Variants in RPTOR observed in about 807,000 individuals in gnomAD.
RPTOR encodes the protein regulatory associated protein of MTOR complex 1, also known as regulatory-associated protein of mTOR.
A neutral mutation model predicts 169.9 loss-of-function variants in RPTOR; 21 were observed. The ratio of observed to expected loss-of-function variants is 0.12; its 90% confidence interval spans 0.09 to 0.18. RPTOR has a LOEUF of 0.18. Among genes scored for constraint, RPTOR ranks in the 10% least tolerant of loss-of-function variants. The pLI is 1.00. For synonymous variants in RPTOR, 732 were observed against 753.2 expected (o/e 0.97, Z 0.46); for missense variants, 1,133 against 1,855.9 (o/e 0.61, Z 7.16).
At position 80,545,492 on chromosome 17, in the gene RPTOR, C is replaced by T. The variant is rs1033565290; in HGVS notation, c.-138C>T. On this transcript the variant is annotated 5_prime_UTR_variant, in exon 1 of 34. Coordinates refer to ENST00000306801, the MANE Select transcript of RPTOR (RefSeq NM_020761.3). ...CTCAGACTTTTGCCTGAGTAAGGGT[C>T]TCCGCACTCTTTATCCATTTGGTTT... 17 of 654,622 alleles carry T rather than the reference C, an allele frequency of 2.6e-5. No homozygotes were observed. The highest frequency in any genetic ancestry group is 3.7e-5 in the Non-Finnish European group (14 of 382,606). 40.6% of individuals were successfully genotyped at this position (654,622 alleles called of 1,614,324 possible).
intron 7 of RPTOR, among the ~76,000 whole-genome samples, chr17:80,798,736 G>A (rs180756672): frequency 2.0e-5 from 3 of 152,282 alleles, no homozygotes; most frequent in East Asian, 3.9e-4. Flanking sequence ...CAGGCAGCAC[G>A]TGTGTCTAAA....
Position 80,730,426 on chromosome 17 carries a change from T to G in RPTOR, c.508-134T>G, listed in dbSNP as rs1022831093. On this transcript the variant is annotated intron_variant, in intron 4 of 33. Transcript: ENST00000306801. The surrounding 1 kb of genome is among the most constrained non-coding windows in gnomAD (Gnocchi z 4.2). Reference sequence around the variant, plus strand: ...GGCCAGTTTGCTGTTTTTTATAGTTTTGTATAAAGGCTAACTCAGCGTCTC... The same window carrying G: ...GGCCAGTTTGCTGTTTTTTATAGTTGTGTATAAAGGCTAACTCAGCGTCTC... 10 of 949,216 alleles carry G rather than the reference T, an allele frequency of 1.1e-5. No homozygotes were observed. Among genetic ancestry groups the G allele is most frequent in the Admixed American group, 4.8e-5 (2 of 41,856 alleles). 58.8% of individuals were successfully genotyped at this position (949,216 alleles called of 1,614,324 possible).
At chr17:80,931,016 C>A (rs565497700) in intron 24 of RPTOR, among the ~76,000 whole-genome samples, 1 of 152,316 alleles carries the variant, frequency 6.6e-6, no homozygotes, top group Admixed American at 6.5e-5. Context: ...AAATTAAATA[C>A]GTGGTTATTC....
At position 80,837,905 on chromosome 17, in the gene RPTOR, C is replaced by G; in HGVS notation, c.1137-17C>G. ...CCGTCCATAATGCTCAGTGGATTTC[C>G]TCTGTTCTCTCCGCAGGCAAGCCTG... On this transcript the variant is annotated splice_polypyrimidine_tract_variant and intron_variant, in intron 9 of 33. Transcript: ENST00000306801. 6.2e-7 allele frequency: 1 copy of G among 1,607,062 alleles called. No individual in the cohort carries two copies. Among genetic ancestry groups the G allele is most frequent in the Admixed American group, 1.7e-5 (1 of 59,496 alleles).
At chr17:80,727,109 C>T (rs2066343054) in intron 4 of RPTOR, among the ~76,000 whole-genome samples, 1 of 152,140 alleles carries the variant, frequency 6.6e-6, no homozygotes, top group Non-Finnish European at 1.5e-5. Context: ...CTGACCACGT[C>T]ACGCTCCGAG....
intron 25 of RPTOR, 152 bp downstream of exon 25, chr17:80,940,753 T>C (rs7211235): frequency 0.024 from 13,851 of 579,578 alleles, 477 homozygotes; most frequent in African/African-American, 0.12. Context: ...CCACCTCCCT[T>C]GCAGATAAGC....
intron 13 of RPTOR, among the ~76,000 whole-genome samples, chr17:80,872,686 C>T (rs1204143867): frequency 6.6e-6 from 1 of 152,216 alleles, no homozygotes; most frequent in Non-Finnish European, 1.5e-5. Context: ...GGCTGTCTGC[C>T]CAGCCATCCC....
chr17:80,815,706 A>G (rs2067315400), intron 7 of RPTOR, among the ~76,000 whole-genome samples: 1 of 152,280 alleles, frequency 6.6e-6, no homozygotes, highest in African/African-American at 2.4e-5. Flanking sequence ...ATGGCGGGTA[A>G]TAAAAGAAAA....
chr17:80,739,196 A>C (rs868766277), intron 5 of RPTOR, among the ~76,000 whole-genome samples: 4 of 151,314 alleles, frequency 2.6e-5, no homozygotes, highest in Non-Finnish European at 4.4e-5. Context: ...GCGGAGGCAG[A>C]TGTCTTTCAC....
chr17:80,781,468 G>A (rs9893335), intron 6 of RPTOR, among the ~76,000 whole-genome samples: 38,404 of 151,996 alleles, frequency 0.25, 4,911 homozygotes, highest in South Asian at 0.27. Context: ...TCAGGAAAAG[G>A]TTCCAAAATT....
At chr17:80,822,548 G>T (rs2067391248) in intron 8 of RPTOR, among the ~76,000 whole-genome samples, 1 of 152,246 alleles carries the variant, frequency 6.6e-6, no homozygotes. Flanking sequence ...CCTGACCGGT[G>T]CACAGCCCTT....
intron 3 of RPTOR, among the ~76,000 whole-genome samples, chr17:80,690,452 C>CA (rs1475012204): frequency 1.3e-5 from 2 of 152,218 alleles, no homozygotes; most frequent in Non-Finnish European, 2.9e-5. Flanking sequence ...GTCAGTCCCT[C>CA]ACCCCAGCAC....
intron 1 of RPTOR, among the ~76,000 whole-genome samples, chr17:80,603,944 G>A (rs933067978): frequency 1.3e-5 from 2 of 152,200 alleles, no homozygotes; most frequent in East Asian, 1.9e-4. Flanking sequence ...TTACTAGTTA[G>A]GGTGGTGGGA....
At chr17:80,760,634 TGG>T (rs144927401) in intron 6 of RPTOR, among the ~76,000 whole-genome samples, 4,247 of 152,246 alleles carry the variant, frequency 0.028, 211 homozygotes, top group African/African-American at 0.097. Flanking sequence ...AACAGGCAGT[TGG>T]CCAGATTTGG....
intron 11 of RPTOR, among the ~76,000 whole-genome samples, chr17:80,849,505 C>T (rs998904017): frequency 1.3e-5 from 2 of 152,186 alleles, no homozygotes; most frequent in Non-Finnish European, 2.9e-5. Flanking sequence ...TGCTGTTTTG[C>T]CCAGACCCTT....
At chr17:80,796,561 A>G (rs949405251) in intron 7 of RPTOR, among the ~76,000 whole-genome samples, 7 of 152,218 alleles carry the variant, frequency 4.6e-5, no homozygotes, top group Admixed American at 2.0e-4. Flanking sequence ...AGCCACTCCC[A>G]TAATCCAGTC....
Position 80,851,337 on chromosome 17 carries a change from C to G in RPTOR, c.1315-4127C>G, listed in dbSNP as rs573627898. Among the ~76,000 whole-genome samples the G allele has an allele frequency of 2.6e-5, 4 of 152,206 alleles. No individual in the cohort carries two copies. The East Asian group carries it at 7.7e-4, about 29-fold the overall frequency. ...AATTTCCATAGATCGTGGGATGGTC[C>G]GGAACAGGAGGTTTTTGTTTTGTTG... On this transcript the variant is annotated intron_variant, in intron 11 of 33. Coordinates refer to ENST00000306801, the MANE Select transcript of RPTOR (RefSeq NM_020761.3).
intron 24 of RPTOR, among the ~76,000 whole-genome samples, chr17:80,933,715 A>G (rs1168435049): frequency 2.6e-5 from 4 of 152,254 alleles, no homozygotes; most frequent in Admixed American, 2.0e-4. Flanking sequence ...AACTTACTAC[A>G]TAGCTGCACT....
At chr17:80,703,595 T>G (rs990280213) in intron 3 of RPTOR, among the ~76,000 whole-genome samples, 5 of 151,786 alleles carry the variant, frequency 3.3e-5, no homozygotes, top group South Asian at 2.1e-4. Context: ...AAAAAAAAAG[T>G]TTTTTTTGAG....
Sources: allele counts gnomAD v4.1 joint callset (sites outside exome capture counted in the v4.1 genomes callset), GRCh38; gene constraint gnomAD v4.1.1; non-coding constraint Gnocchi (gnomAD v3.1); transcripts MANE v1.5; gene names NCBI Gene and HGNC (gene_info 2026-07-23, HGNC 2026-07-21).